Variants in CRKL observed in about 807,000 individuals in gnomAD.
CRKL encodes CRK like proto-oncogene, adaptor protein, also known as crk-like protein.
A neutral mutation model predicts 23.0 loss-of-function variants in CRKL; 3 were observed. The observed-to-expected ratio is 0.13, with a 90% CI of 0.06 to 0.34. The LOEUF (loss-of-function observed/expected upper bound fraction) is 0.34, where lower values mean the gene tolerates loss of function less well. Ranked by LOEUF, CRKL falls within the 10% of genes least tolerant of loss-of-function variation. CRKL has a pLI of 1.00. For missense variants in CRKL, 256 were observed against 394.5 expected (o/e 0.65, Z 2.97); for synonymous variants, 188 against 160.7 (o/e 1.17, Z -1.28).
chr22:20,939,990 A>G (rs990596911), intron 2 of CRKL, among the ~76,000 whole-genome samples: 22 of 151,798 alleles, frequency 1.4e-4, no homozygotes, highest in Non-Finnish European at 2.8e-4. Flanking sequence ...GGGTTTCACC[A>G]TGTTGGCCAG....
chr22:20,919,206 A>G (rs1012312165), intron 1 of CRKL, among the ~76,000 whole-genome samples: 8 of 152,138 alleles, frequency 5.3e-5, no homozygotes, highest in East Asian at 1.9e-4. Flanking sequence ...CACCACTTTT[A>G]TAGTACGTTA....
At chr22:20,920,829 C>T (rs1920984672) in intron 1 of CRKL, among the ~76,000 whole-genome samples, 1 of 152,094 alleles carries the variant, frequency 6.6e-6, no homozygotes, top group Non-Finnish European at 1.5e-5. Flanking sequence ...TGTTCCAGTC[C>T]CCTCACAGAT....
intron 1 of CRKL, among the ~76,000 whole-genome samples, chr22:20,927,482 C>T (rs1381492038): frequency 6.8e-6 from 1 of 147,634 alleles, no homozygotes; most frequent in East Asian, 2.1e-4. Flanking sequence ...ATGAGCCAGT[C>T]ACCACGCCCA....
intron 2 of CRKL, among the ~76,000 whole-genome samples, chr22:20,947,109 T>C (rs1272597580): frequency 1.3e-5 from 2 of 152,194 alleles, no homozygotes; most frequent in East Asian, 3.8e-4. Context: ...CCTAGGCTGC[T>C]CTTTGACCTA....
At position 20,950,202 on chromosome 22, in the gene CRKL, A is replaced by G. The variant is rs1475716627; in HGVS notation, c.*357A>G. On this transcript the variant is annotated 3_prime_UTR_variant, in exon 3 of 3. Coordinates refer to ENST00000354336, the MANE Select transcript of CRKL (RefSeq NM_005207.4). ...TGTTCACCAGAGAAAGCTTGAGGCC[A>G]TGGCGAGATACTGCATGTTTGCTGT... The G allele has an allele frequency of 1.1e-5, 3 of 267,044 alleles. No individual in the cohort carries two copies. The highest frequency in any genetic ancestry group is 1.4e-5 in the Non-Finnish European group (2 of 141,862). 16.5% of individuals were successfully genotyped at this position (267,044 alleles called of 1,614,324 possible).
At chr22:20,943,730 C>T (rs5761464) in intron 2 of CRKL, among the ~76,000 whole-genome samples, 2 of 152,124 alleles carry the variant, frequency 1.3e-5, no homozygotes, top group African/African-American at 4.8e-5. Context: ...TGGTGGTGCA[C>T]ACCTGTAATC....
intron 1 of CRKL, 74 bp downstream of exon 1, chr22:20,918,319 G>T: frequency 6.6e-7 from 1 of 1,508,946 alleles, no homozygotes; most frequent in Non-Finnish European, 8.9e-7. Context: ...GTATAGGGGG[G>T]TGGGGCGCGC....
intron 2 of CRKL, among the ~76,000 whole-genome samples, chr22:20,935,511 C>T (rs1921621664): frequency 7.4e-6 from 1 of 135,024 alleles, no homozygotes; most frequent in South Asian, 2.4e-4. Context: ...ATTACCAAGT[C>T]ATTTTCTTTT....
At chr22:20,920,513 A>G (rs1282324345) in intron 1 of CRKL, among the ~76,000 whole-genome samples, 6 of 150,992 alleles carry the variant, frequency 4.0e-5, no homozygotes, top group Admixed American at 2.6e-4. Flanking sequence ...AAAAAAAAGG[A>G]AAAAGTTAAT....
At chr22:20,948,143 A>G (rs1387412157) in intron 2 of CRKL, among the ~76,000 whole-genome samples, 13 of 152,222 alleles carry the variant, frequency 8.5e-5, no homozygotes, top group African/African-American at 2.7e-4. Context: ...TCATGTAGAA[A>G]GTATCCTGTT....
intron 1 of CRKL, among the ~76,000 whole-genome samples, chr22:20,930,032 C>T (rs971347988): frequency 6.6e-6 from 1 of 152,100 alleles, no homozygotes; most frequent in Admixed American, 6.6e-5. Flanking sequence ...AGGGTTATGG[C>T]TGGTGAGATT....
rs759703632 is a variant in CRKL at position 20,933,762 on chromosome 22, T to G, written c.312-17T>G. ...AGTAAGATTTTTCTCTTAGAGTAAT[T>G]TTCTTTCTCTCTTAAGGTATCCAAG... On this transcript the variant is annotated splice_polypyrimidine_tract_variant and intron_variant, in intron 1 of 2. Coordinates refer to ENST00000354336, the MANE Select transcript of CRKL (RefSeq NM_005207.4). 1.9e-6 allele frequency: 3 copies of G among 1,580,280 alleles called. No individual in the cohort carries two copies. Among genetic ancestry groups the G allele is most frequent in the Non-Finnish European group, 2.6e-6 (3 of 1,160,818 alleles).
intron 2 of CRKL, among the ~76,000 whole-genome samples, chr22:20,944,487 C>G (rs1439941648): frequency 6.6e-6 from 1 of 152,128 alleles, no homozygotes; most frequent in East Asian, 1.9e-4. Flanking sequence ...TCACTGCAAC[C>G]TCCACCTCCC....
At chr22:20,918,441 TTC>T (rs975865658) in intron 1 of CRKL, among the ~76,000 whole-genome samples, 196 bp downstream of exon 1, 3 of 151,718 alleles carry the variant, frequency 2.0e-5, no homozygotes, top group Admixed American at 6.6e-5. Context: ...TTTTTTTTTT[TTC>T]CCTCTCACGA....
intron 1 of CRKL, among the ~76,000 whole-genome samples, chr22:20,922,246 A>G (rs985110312): frequency 6.7e-6 from 1 of 150,328 alleles, no homozygotes; most frequent in South Asian, 2.1e-4. Context: ...TGGTCCCTAT[A>G]TCTTGACCTC....
Position 20,923,720 on chromosome 22 carries a change from G to A in CRKL, c.311+5475G>A, listed in dbSNP as rs757387855. The stretch of plus-strand genomic sequence containing the variant: ...CTCCCAAGTAGCTGGGACTACAGGC[G>A]CACGCGCTACCACACCTGGCTAATT... On this transcript the variant is annotated intron_variant, in intron 1 of 2. Transcript: ENST00000354336. Among the ~76,000 whole-genome samples the A allele has an allele frequency of 4.8e-4, 73 of 151,872 alleles. 1 individual carries two copies. Among genetic ancestry groups the A allele is most frequent in the Non-Finnish European group, 8.7e-4 (59 of 67,954 alleles).
At chr22:20,921,355 A>G (rs1169138304) in intron 1 of CRKL, among the ~76,000 whole-genome samples, 2 of 152,190 alleles carry the variant, frequency 1.3e-5, no homozygotes, top group Non-Finnish European at 2.9e-5. Context: ...TTAATTTTAT[A>G]TTTTTATTCA....
At position 20,917,934 on chromosome 22, in the gene CRKL, C is replaced by T. The variant is rs2147891207; in HGVS notation, c.-1C>T. Reference sequence around the variant, plus strand: ...CGCCGCAGAGTCCCCGGTCCAACACCATGTCCTCCGCCAGGTTCGACTCCT... The same window carrying T: ...CGCCGCAGAGTCCCCGGTCCAACACTATGTCCTCCGCCAGGTTCGACTCCT... On this transcript the variant is annotated 5_prime_UTR_variant, in exon 1 of 3. Coordinates refer to ENST00000354336, the MANE Select transcript of CRKL (RefSeq NM_005207.4). 1 of 1,613,052 alleles carries T rather than the reference C, an allele frequency of 6.2e-7. No homozygotes were observed. The highest frequency in any genetic ancestry group is 2.2e-5 in the East Asian group (1 of 44,878).
chr22:20,947,446 C>T (rs748494334), intron 2 of CRKL, among the ~76,000 whole-genome samples: 7 of 151,766 alleles, frequency 4.6e-5, no homozygotes, highest in Admixed American at 2.0e-4. Flanking sequence ...GATTCTCCTG[C>T]GTCAGCCTCC....
Sources: gnomAD v4.1 joint callset for allele counts (sites outside exome capture counted in the v4.1 genomes callset) on GRCh38, gnomAD v4.1.1 for gene constraint, MANE v1.5 for transcripts, NCBI Gene and HGNC (gene_info 2026-07-23, HGNC 2026-07-21) for gene names.